The following INPP4B variants were observed in gnomAD, a reference collection of about 807,000 sequenced individuals.
INPP4B encodes inositol polyphosphate 4-phosphatase type II.
Under a neutral mutation model 122.5 loss-of-function variants are expected in INPP4B, and 55 were observed. The ratio of observed to expected loss-of-function variants is 0.45; its 90% CI spans 0.36 to 0.56. The LOEUF (loss-of-function observed/expected upper bound fraction) is 0.56, where lower values mean the gene tolerates loss of function less well. Ranked by LOEUF, INPP4B falls within the 20% of genes least tolerant of loss-of-function variation. The probability of loss-of-function intolerance (pLI) is 0.00; values close to 1 mark genes in which losing one functional copy is unlikely to be tolerated. For missense variants in INPP4B, 1,000 were observed against 1,097.7 expected, an observed-to-expected ratio of 0.91 and a Z score of 1.26; for synonymous variants, 403 against 388.7, an observed-to-expected ratio of 1.04 and a Z score of -0.43.
intron 1 of INPP4B, chr4:142,795,291 C>G (rs918532795): frequency 6.6e-6 from 1 of 151,920 alleles, no homozygotes; most frequent in Non-Finnish European, 1.5e-5. Flanking sequence ...ACTGTAGCCA[C>G]AAACTTCAAA....
intron 2 of INPP4B, among the ~76,000 whole-genome samples, chr4:142,602,754 C>T (rs912171348): frequency 5.3e-5 from 8 of 152,186 alleles, no homozygotes; most frequent in East Asian, 1.9e-4. Flanking sequence ...CACTTTTGCA[C>T]GTTGGTGGGA....
At chr4:142,836,112 T>C (rs1287931116) in intron 1 of INPP4B, among the ~76,000 whole-genome samples, 1 of 152,242 alleles carries the variant, frequency 6.6e-6, no homozygotes. Context: ...CACAGGTTAC[T>C]GGATAATAAG....
intron 14 of INPP4B, among the ~76,000 whole-genome samples, chr4:142,196,069 C>T (rs979605361): frequency 1.3e-5 from 2 of 152,068 alleles, no homozygotes; most frequent in Non-Finnish European, 2.9e-5. Flanking sequence ...GGAGAAGAAG[C>T]ATGTTGTTTG....
intron 9 of INPP4B, among the ~76,000 whole-genome samples, chr4:142,280,241 A>G (rs936137272): frequency 2.0e-5 from 3 of 151,978 alleles, no homozygotes; most frequent in African/African-American, 7.2e-5. Context: ...AAACCTATAC[A>G]TGAGAAATTC....
intron 5 of INPP4B, among the ~76,000 whole-genome samples, chr4:142,406,917 C>T (rs1209765048): frequency 6.6e-6 from 1 of 152,108 alleles, no homozygotes; most frequent in Non-Finnish European, 1.5e-5. Flanking sequence ...TAGCTTACAT[C>T]CTACCCCACT....
chr4:142,830,343 C>T (rs961578711), intron 1 of INPP4B, among the ~76,000 whole-genome samples: 18 of 152,106 alleles, frequency 1.2e-4, no homozygotes, highest in South Asian at 4.1e-4. Flanking sequence ...AAATGTAATA[C>T]GAAGTCTCTC....
intron 7 of INPP4B, among the ~76,000 whole-genome samples, chr4:142,371,477 T>TTAAAGA (rs1789889482): frequency 2.0e-5 from 3 of 152,120 alleles, no homozygotes; most frequent in African/African-American, 7.2e-5. Flanking sequence ...AATAAACAGA[T>TTAAAGA]TAAAGAGGCA....
intron 22 of INPP4B, among the ~76,000 whole-genome samples, chr4:142,110,416 A>G (rs1300401082): frequency 1.2e-4 from 18 of 152,162 alleles, no homozygotes; most frequent in Admixed American, 7.9e-4. Context: ...GCAGACTAAT[A>G]GTATTTATTT....
chr4:142,806,232 T>C (rs1171938913), intron 1 of INPP4B, among the ~76,000 whole-genome samples: 2 of 123,666 alleles, frequency 1.6e-5, no homozygotes, highest in East Asian at 2.4e-4. Flanking sequence ...TGAGCCGAGA[T>C]GGCACCACTG....
intron 1 of INPP4B, among the ~76,000 whole-genome samples, chr4:142,752,689 C>G (rs1044965315): frequency 6.6e-6 from 1 of 152,010 alleles, no homozygotes; most frequent in African/African-American, 2.4e-5. Context: ...CTCTGTAATT[C>G]TTCACATAGC....
chr4:142,119,381 G>T (rs1023650042), intron 21 of INPP4B, among the ~76,000 whole-genome samples: 2 of 152,070 alleles, frequency 1.3e-5, no homozygotes, highest in Non-Finnish European at 2.9e-5. Flanking sequence ...CAATAGCAAA[G>T]ACTTGGAACC....
intron 2 of INPP4B, among the ~76,000 whole-genome samples, chr4:142,711,689 G>A (rs997347098): frequency 6.6e-6 from 1 of 152,120 alleles, no homozygotes; most frequent in Non-Finnish European, 1.5e-5. Flanking sequence ...ATTAAGAGGT[G>A]GGGACTTTGG....
chr4:142,635,328 T>C (rs1399612899), intron 2 of INPP4B, among the ~76,000 whole-genome samples: 1 of 152,170 alleles, frequency 6.6e-6, no homozygotes, highest in Non-Finnish European at 1.5e-5. Flanking sequence ...AAAATAGAAC[T>C]ACCATTTGAC....
intron 2 of INPP4B, among the ~76,000 whole-genome samples, chr4:142,699,549 C>T (rs761473437): frequency 6.6e-6 from 1 of 152,112 alleles, no homozygotes; most frequent in South Asian, 2.1e-4. Flanking sequence ...TACTGGCCAG[C>T]GTTGCTTTAT....
intron 2 of INPP4B, among the ~76,000 whole-genome samples, chr4:142,495,327 C>A (rs1822401972): frequency 1.3e-5 from 2 of 151,856 alleles, no homozygotes; most frequent in East Asian, 1.9e-4. Context: ...AAAAATAATT[C>A]TCTCTAGATA....
rs142328873 is a variant in INPP4B at position 142,783,266 on chromosome 4, C to T, written c.-253-57365G>A. On this transcript the variant is annotated intron_variant, in intron 1 of 25. Coordinates refer to ENST00000262992, the MANE Select transcript of INPP4B (RefSeq NM_001101669.3). Reference sequence around the variant, plus strand: ...GAGAAAATTTTTGCAATATACTCATCTGACAAAGGGCTAATATCCAGAATC... The same window carrying T: ...GAGAAAATTTTTGCAATATACTCATTTGACAAAGGGCTAATATCCAGAATC... Among the ~76,000 whole-genome samples, 376 of 152,190 alleles carry T rather than the reference C, an allele frequency of 2.5e-3. 5 individuals carry two copies. Among genetic ancestry groups the T allele is most frequent in the East Asian group, 0.019 (96 of 5,170 alleles).
chr4:142,181,985 TTTTA>T (rs1170365929), intron 15 of INPP4B, among the ~76,000 whole-genome samples: 1 of 152,198 alleles, frequency 6.6e-6, no homozygotes, highest in Non-Finnish European at 1.5e-5. Flanking sequence ...ACCAACTACA[TTTTA>T]TTTCTCTCTG....
In INPP4B at chr4:142,592,815, C is replaced by G. The variant is rs190285978; in HGVS notation, c.-190-130089G>C. ...CTGAATTTATAGGATCAAAGACCGT[C>G]ATAGGCTGGGTGCGATGGCTCATGC... is the stretch of plus-strand genomic sequence containing the variant. On this transcript the variant is annotated intron_variant, in intron 2 of 25. Transcript: ENST00000262992. Among the ~76,000 whole-genome samples the G allele has an allele frequency of 3.6e-3, 551 of 152,146 alleles. 7 individuals are homozygous for G. Among genetic ancestry groups the G allele is most frequent in the East Asian group, 0.018 (95 of 5,156 alleles).
intron 3 of INPP4B, among the ~76,000 whole-genome samples, chr4:142,440,630 C>T (rs919567793): frequency 3.3e-5 from 5 of 152,094 alleles, no homozygotes; most frequent in African/African-American, 1.2e-4. Context: ...CCTATTAACC[C>T]CCTGCCCGTC....
Sources: allele counts gnomAD v4.1 joint callset (sites outside exome capture counted in the v4.1 genomes callset), GRCh38; gene constraint gnomAD v4.1.1; transcripts MANE v1.5; gene names NCBI Gene and HGNC (gene_info 2026-07-23, HGNC 2026-07-21).